FSHR: variants seen among roughly 807,000 people sequenced by gnomAD.
The protein encoded by FSHR is follicle-stimulating hormone receptor.
In FSHR, 46 loss-of-function variants were observed where a neutral mutation model predicts 52.1. That is an observed-to-expected ratio of 0.88 (90% CI 0.70 to 1.13). The LOEUF (loss-of-function observed/expected upper bound fraction) is 1.13. FSHR is among the 50% of genes most tolerant of loss of function. The probability of loss-of-function intolerance (pLI) is 0.00; values close to 1 mark genes in which losing one functional copy is unlikely to be tolerated. For synonymous variants in FSHR, 399 were observed against 309.6 expected, an observed-to-expected ratio of 1.29 and a Z score of -3.03; for missense variants, 964 against 834.6, an observed-to-expected ratio of 1.16 and a Z score of -1.91.
intron 2 of FSHR, among the ~76,000 whole-genome samples, chr2:49,030,992 C>G (rs1340175288): frequency 6.6e-6 from 1 of 152,182 alleles, no homozygotes; most frequent in Non-Finnish European, 1.5e-5. Context: ...AATAAGAAGA[C>G]TGGATTATTT....
chr2:49,145,491 C>T (rs192437784), intron 1 of FSHR, among the ~76,000 whole-genome samples: 9 of 152,174 alleles, frequency 5.9e-5, no homozygotes, highest in Admixed American at 5.9e-4. Flanking sequence ...ATGGGACAGG[C>T]CAATGGCTGT....
chr2:48,971,173 A>G (rs1459163455), intron 8 of FSHR, among the ~76,000 whole-genome samples: 1 of 152,166 alleles, frequency 6.6e-6, no homozygotes, highest in East Asian at 1.9e-4. Flanking sequence ...CATCCATGTT[A>G]TGCCCTTCTC....
At chr2:49,026,648 C>T (rs933711620) in intron 2 of FSHR, among the ~76,000 whole-genome samples, 9 of 152,284 alleles carry the variant, frequency 5.9e-5, no homozygotes, top group Admixed American at 4.6e-4. Flanking sequence ...GTTAGGCATA[C>T]GCATGAAAAG....
chr2:48,998,369 T>C (rs1676117208), intron 4 of FSHR, among the ~76,000 whole-genome samples: 2 of 152,142 alleles, frequency 1.3e-5, no homozygotes, highest in African/African-American at 4.8e-5. Flanking sequence ...GAAAGTGATG[T>C]ATGTCATTAT....
rs553622865 is a variant in FSHR, at chr2:48,977,375, C to T, written c.668+5537G>A. ...TATATGAGCAGAAGAATGGTTTATT[C>T]AAAGCTGGATTTTTGTAAGATTAGT... On this transcript the variant is annotated intron_variant, in intron 8 of 9. Coordinates refer to ENST00000406846, the MANE Select transcript of FSHR (RefSeq NM_000145.4). Among the ~76,000 whole-genome samples the T allele has an allele frequency of 1.3e-5, 2 of 152,218 alleles. 1 individual carries two copies. The highest frequency in any genetic ancestry group is 4.8e-5 in the African/African-American group (2 of 41,540).
intron 1 of FSHR, among the ~76,000 whole-genome samples, chr2:49,076,061 G>T (rs1004864172): frequency 3.3e-5 from 5 of 151,998 alleles, no homozygotes; most frequent in Non-Finnish European, 7.4e-5. Flanking sequence ...AAATTGTGTT[G>T]GTAATTTAAC....
At chr2:49,108,623 T>C (rs1394611690) in intron 1 of FSHR, among the ~76,000 whole-genome samples, 1 of 152,086 alleles carries the variant, frequency 6.6e-6, no homozygotes. Context: ...ATGGAAAAAC[T>C]GAGCATGGGA....
intron 4 of FSHR, among the ~76,000 whole-genome samples, chr2:49,016,710 C>T (rs900286725): frequency 2.6e-5 from 4 of 152,122 alleles, no homozygotes; most frequent in Non-Finnish European, 4.4e-5. Context: ...TGCTTTAAGC[C>T]TCTATCTTTG....
chr2:49,063,265 G>C (rs1374435897), intron 2 of FSHR, among the ~76,000 whole-genome samples: 5 of 152,106 alleles, frequency 3.3e-5, no homozygotes, highest in Non-Finnish European at 7.3e-5. Flanking sequence ...TATGAACTGA[G>C]TGTTTGCAGT....
At chr2:49,010,829 G>A (rs1667242759) in intron 4 of FSHR, among the ~76,000 whole-genome samples, 4 of 152,158 alleles carry the variant, frequency 2.6e-5, no homozygotes, top group Admixed American at 2.6e-4. Flanking sequence ...GGTGTTTGTA[G>A]TATTCTCTCA....
At chr2:49,131,386 C>A (rs1345912478) in intron 1 of FSHR, among the ~76,000 whole-genome samples, 1 of 152,098 alleles carries the variant, frequency 6.6e-6, no homozygotes, top group Non-Finnish European at 1.5e-5. Flanking sequence ...TCCAAAGACC[C>A]TCTAAGCATA....
intron 1 of FSHR, among the ~76,000 whole-genome samples, chr2:49,139,396 C>T (rs1672595529): frequency 6.6e-6 from 1 of 152,080 alleles, no homozygotes; most frequent in African/African-American, 2.4e-5. Flanking sequence ...TGGACTGCCT[C>T]TGAGAGCCTT....
At chr2:48,981,142 T>G (rs1261599907) in intron 8 of FSHR, among the ~76,000 whole-genome samples, 1 of 152,194 alleles carries the variant, frequency 6.6e-6, no homozygotes, top group Non-Finnish European at 1.5e-5. Flanking sequence ...TTTGAGTACT[T>G]TGTATTCTTG....
chr2:49,118,140 G>GT (rs1671673003), intron 1 of FSHR, among the ~76,000 whole-genome samples: 1 of 151,992 alleles, frequency 6.6e-6, no homozygotes, highest in Non-Finnish European at 1.5e-5. Flanking sequence ...AGCTAAAAAG[G>GT]TATCTATCCA....
intron 3 of FSHR, among the ~76,000 whole-genome samples, chr2:49,019,500 A>G (rs201402346): frequency 1.3e-5 from 2 of 152,226 alleles, no homozygotes; most frequent in East Asian, 3.8e-4. Context: ...AGAGAAAGTA[A>G]ATTTGGCTGG....
chr2:49,037,949 C>G (rs1391427119), intron 2 of FSHR, among the ~76,000 whole-genome samples: 1 of 152,066 alleles, frequency 6.6e-6, no homozygotes, highest in Non-Finnish European at 1.5e-5. Context: ...TTAAAAAAAT[C>G]CACACTCAAT....
chr2:49,006,312 T>A (rs1449744799), intron 4 of FSHR, among the ~76,000 whole-genome samples: 2 of 152,128 alleles, frequency 1.3e-5, no homozygotes, highest in African/African-American at 4.8e-5. Flanking sequence ...GTCATTCTCA[T>A]TATGTCACTC....
chr2:49,027,477 GC>G (rs981051389), intron 2 of FSHR, among the ~76,000 whole-genome samples: 3 of 152,186 alleles, frequency 2.0e-5, no homozygotes, highest in Non-Finnish European at 2.9e-5. Flanking sequence ...ACACAGTGGT[GC>G]AGCTAGTCTT....
intron 6 of FSHR, among the ~76,000 whole-genome samples, chr2:48,987,623 A>G (rs898723204): frequency 3.9e-5 from 6 of 152,046 alleles, no homozygotes; most frequent in African/African-American, 1.2e-4. Flanking sequence ...TTAAAAGCCC[A>G]TTTTAAAAAC....
Sources: gnomAD v4.1 joint callset for allele counts (sites outside exome capture counted in the v4.1 genomes callset) on GRCh38, gnomAD v4.1.1 for gene constraint, MANE v1.5 for transcripts, NCBI Gene and HGNC (gene_info 2026-07-23, HGNC 2026-07-21) for gene names.